The following POLA1 variants were observed in gnomAD, a reference collection of about 807,000 sequenced individuals.
The protein encoded by POLA1 is DNA polymerase alpha catalytic subunit.
POLA1 carries 15 observed loss-of-function variants against 124.0 expected under a neutral mutation model. The ratio of observed to expected loss-of-function variants is 0.12; its 90% CI spans 0.08 to 0.19. The LOEUF is 0.19. Among genes scored for constraint, POLA1 ranks in the 10% least tolerant of loss-of-function variants. POLA1 has a pLI of 1.00. For synonymous variants in POLA1, 408 were observed against 389.4 expected, an observed-to-expected ratio of 1.05 and a Z score of -0.56; for missense variants, 886 against 1,103.4, an observed-to-expected ratio of 0.80 and a Z score of 2.79.
intron 26 of POLA1, among the ~76,000 whole-genome samples, chrX:24,782,954 A>T (rs1034469847): frequency 5.4e-5 from 6 of 110,405 alleles, no homozygotes; most frequent in Admixed American, 9.8e-5. Flanking sequence ...TAATGAGGGG[A>T]TATACTGGAA....
At chrX:24,954,807 G>A (rs187718393) in intron 36 of POLA1, among the ~76,000 whole-genome samples, 3 of 111,892 alleles carry the variant, frequency 2.7e-5, no homozygotes, top group Non-Finnish European at 5.6e-5. Flanking sequence ...CCAGTACTGA[G>A]CCCCTGTAGC....
intron 26 of POLA1, among the ~76,000 whole-genome samples, chrX:24,797,522 C>T (rs757614982): frequency 2.6e-4 from 29 of 111,255 alleles, no homozygotes; most frequent in African/African-American, 9.5e-4. Context: ...TTTCCAATTG[C>T]CTATTTGGTT....
intron 34 of POLA1, among the ~76,000 whole-genome samples, chrX:24,856,520 G>C (rs763458078): frequency 5.4e-5 from 6 of 111,795 alleles, no homozygotes; most frequent in Admixed American, 9.5e-5. Flanking sequence ...CCAGGGGTAG[G>C]GTTGCTGGCT....
chrX:24,853,570 A>T (rs2046594825), intron 34 of POLA1, among the ~76,000 whole-genome samples: 1 of 112,205 alleles, frequency 8.9e-6, no homozygotes, highest in African/African-American at 3.2e-5. Flanking sequence ...CACCAGTCTC[A>T]TCAGAAAAGT....
rs187585802 is a variant in POLA1 at position 24,996,824 on chromosome X, A to G, written c.*874A>G. The G allele has an allele frequency of 5.2e-4, 58 of 112,000 alleles. No homozygotes were observed. The highest frequency in any genetic ancestry group is 1.8e-3 in the African/African-American group (56 of 30,768). The allele number at this position is 112,000 out of a possible 1,213,427, so 9.2% of individuals were successfully genotyped here. ...TGGCAGCAGCAAAATGTATTTCAGT[A>G]TGGCAGTCTTTCCTCTCTTACATTA... On this transcript the variant is annotated 3_prime_UTR_variant, in exon 37 of 37. Coordinates refer to ENST00000379068, the MANE Select transcript of POLA1 (RefSeq NM_001330360.2).
intron 4 of POLA1, among the ~76,000 whole-genome samples, chrX:24,714,218 C>T (rs757236721): frequency 1.9e-4 from 21 of 111,908 alleles, no homozygotes; most frequent in Non-Finnish European, 1.9e-5. Flanking sequence ...AGTGCAGTGG[C>T]GTGATCTTGG....
intron 35 of POLA1, among the ~76,000 whole-genome samples, chrX:24,916,345 G>A (rs1376446867): frequency 9.6e-6 from 1 of 104,457 alleles, no homozygotes; most frequent in African/African-American, 3.6e-5. Context: ...GCAGTGGCAC[G>A]ATCTTGGCTC....
chrX:24,876,342 A>T (rs917301721), intron 34 of POLA1, among the ~76,000 whole-genome samples: 2 of 112,081 alleles, frequency 1.8e-5, no homozygotes, highest in Non-Finnish European at 3.8e-5. Context: ...CATTTAAATT[A>T]TGAAACTTCA....
chrX:24,904,950 G>C (rs1166060753), intron 35 of POLA1, among the ~76,000 whole-genome samples: 1 of 108,573 alleles, frequency 9.2e-6, no homozygotes, highest in Non-Finnish European at 1.9e-5. Flanking sequence ...CTTGAAACCA[G>C]GAGGCAGAGG....
chrX:24,811,980 G>T (rs1179510920), intron 28 of POLA1, among the ~76,000 whole-genome samples: 1 of 112,514 alleles, frequency 8.9e-6, no homozygotes, highest in Non-Finnish European at 1.9e-5. Context: ...AAACTAAGAT[G>T]TCATCTTACA....
intron 1 of POLA1, among the ~76,000 whole-genome samples, chrX:24,696,957 A>C (rs1187015369): frequency 9.0e-6 from 1 of 110,794 alleles, no homozygotes; most frequent in Non-Finnish European, 1.9e-5. Context: ...GTTCTCTGTG[A>C]AATTTGACTC....
intron 35 of POLA1, among the ~76,000 whole-genome samples, chrX:24,922,334 C>G (rs1041200181): frequency 9.1e-6 from 1 of 110,445 alleles, no homozygotes; most frequent in African/African-American, 3.3e-5. Context: ...CCCCGCCCAC[C>G]TTGGCCTCCC....
chrX:24,977,055 G>A (rs577856267), intron 36 of POLA1, among the ~76,000 whole-genome samples: 3 of 112,147 alleles, frequency 2.7e-5, no homozygotes, highest in South Asian at 7.6e-4. Flanking sequence ...GATGACCCTC[G>A]CGGCCTGATG....
intron 26 of POLA1, among the ~76,000 whole-genome samples, chrX:24,800,254 A>G (rs2045683386): frequency 8.9e-6 from 1 of 112,025 alleles, no homozygotes; most frequent in African/African-American, 3.2e-5. Flanking sequence ...AGCATCCTCA[A>G]TGGTACTTAT....
intron 36 of POLA1, among the ~76,000 whole-genome samples, chrX:24,950,183 A>G (rs1224470639): frequency 8.9e-6 from 1 of 112,240 alleles, no homozygotes; most frequent in Non-Finnish European, 1.9e-5. Context: ...TGCAACTGCT[A>G]CGTGTTGGAG....
intron 2 of POLA1, among the ~76,000 whole-genome samples, chrX:24,700,492 C>G (rs1454471398): frequency 8.9e-6 from 1 of 111,949 alleles, no homozygotes; most frequent in African/African-American, 3.2e-5. Context: ...AAAAGGATTT[C>G]AGTAAAACAG....
intron 26 of POLA1, chrX:24,789,208 G>C: frequency 1.7e-5 from 9 of 523,330 alleles, no homozygotes; most frequent in African/African-American, 4.7e-5. Context: ...CAGAAAGGAA[G>C]AAGTTAAACT....
Position 24,735,380 on chromosome X carries a change from G to C in POLA1, c.1834-19G>C. The C allele has an allele frequency of 4.7e-6, 5 of 1,058,476 alleles. No homozygotes were observed. The highest frequency in any genetic ancestry group is 5.3e-6 in the Non-Finnish European group (4 of 755,878). 87.2% of individuals were successfully genotyped at this position (1,058,476 alleles called of 1,213,427 possible). The stretch of plus-strand genomic sequence containing the variant: ...GACAGTAAAGAGTCGTCAGTGACTG[G>C]TGTGTTTTTATCTAACAGAATGTGA... On this transcript the variant is annotated intron_variant, in intron 17 of 36. Coordinates refer to ENST00000379068, the MANE Select transcript of POLA1 (RefSeq NM_001330360.2).
At chrX:24,852,048 T>C (rs896400497) in intron 34 of POLA1, among the ~76,000 whole-genome samples, 26 of 112,422 alleles carry the variant, frequency 2.3e-4, no homozygotes, top group Middle Eastern at 4.6e-3. Context: ...GGTTCACATA[T>C]GGAAATCAGC....
Sources: gnomAD v4.1 joint callset for allele counts (sites outside exome capture counted in the v4.1 genomes callset) on GRCh38, gnomAD v4.1.1 for gene constraint, MANE v1.5 for transcripts, NCBI Gene and HGNC (gene_info 2026-07-23, HGNC 2026-07-21) for gene names.